COL4A1: variants seen among roughly 807,000 people sequenced by gnomAD.
COL4A1 encodes the protein collagen alpha-1(IV) chain.
Under a neutral mutation model 216.6 loss-of-function variants are expected in COL4A1, and 40 were observed. The observed-to-expected ratio is 0.18, with a 90% CI of 0.14 to 0.24. COL4A1 has a LOEUF of 0.24. Among genes scored for constraint, COL4A1 ranks in the 10% least tolerant of loss-of-function variants. The pLI is 1.00. For synonymous variants in COL4A1, 839 were observed against 810.7 expected, an observed-to-expected ratio of 1.03 and a Z score of -0.59; for missense variants, 1,628 against 2,196.8, an observed-to-expected ratio of 0.74 and a Z score of 5.18.
rs1566358834 is a variant in COL4A1 at position 110,186,569 on chromosome 13, G to A, written c.1729-16C>T. 1 of 1,613,750 alleles carries A rather than the reference G, an allele frequency of 6.2e-7. No individual in the cohort carries two copies. The highest frequency in any genetic ancestry group is 2.2e-5 in the East Asian group (1 of 44,870). ...CTACAGAACCCTGATGTGAGAAGAAGAAAAAGACACCGTTATCAGAGACAC... is the reference window on the plus strand; with the variant it reads ...CTACAGAACCCTGATGTGAGAAGAAAAAAAAGACACCGTTATCAGAGACAC... On this transcript the variant is annotated splice_polypyrimidine_tract_variant and intron_variant, in intron 25 of 51. Coordinates refer to ENST00000375820, the MANE Select transcript of COL4A1 (RefSeq NM_001845.6).
intron 41 of COL4A1, 146 bp from the exon 42 acceptor site, chr13:110,170,878 A>G (rs955924701): frequency 2.6e-5 from 21 of 813,402 alleles, no homozygotes; most frequent in Non-Finnish European, 3.7e-5. Flanking sequence ...AGGAAACTGC[A>G]GCAAGGGCTC....
intron 1 of COL4A1, among the ~76,000 whole-genome samples, chr13:110,282,258 T>C (rs1181689454): frequency 1.3e-5 from 2 of 152,188 alleles, no homozygotes; most frequent in Admixed American, 1.3e-4. Context: ...TTTTGTTTTC[T>C]CATCAATAAA....
intron 20 of COL4A1, among the ~76,000 whole-genome samples, chr13:110,199,712 AG>A (rs1271493386): frequency 1.3e-5 from 2 of 152,100 alleles, no homozygotes; most frequent in East Asian, 3.9e-4. Context: ...CGACTTTGGG[AG>A]GGGGACGTGG....
chr13:110,250,221 C>G lies in COL4A1; in HGVS notation c.85-7487G>C, dbSNP rs531693893. On this transcript the variant is annotated intron_variant, in intron 1 of 51. Transcript: ENST00000375820. Reference sequence around the variant, plus strand: ...TTCTTGGCAAAAAAAAAAAAAAGCACAAAAAATGTGAGAAACAGTGAATTT... The same window carrying G: ...TTCTTGGCAAAAAAAAAAAAAAGCAGAAAAAATGTGAGAAACAGTGAATTT... 4.8e-5 allele frequency among the ~76,000 whole-genome samples: 7 copies of G among 147,150 alleles called. No homozygotes were observed. The East Asian group carries it at 1.4e-3, about 29-fold the overall frequency.
At chr13:110,209,723 C>G (rs1348598741) in intron 10 of COL4A1, 8 of 728,228 alleles carry the variant, frequency 1.1e-5, no homozygotes, top group Non-Finnish European at 2.0e-5. Context: ...ACCCCGCCAG[C>G]CCCTTCAACC....
At chr13:110,161,021 T>C (rs1042623510) in intron 49 of COL4A1, 171 bp downstream of exon 49, 6 of 794,704 alleles carry the variant, frequency 7.5e-6, no homozygotes, top group African/African-American at 3.4e-5. Context: ...CTGACTTTTA[T>C]GTCAAATAAT....
intron 1 of COL4A1, among the ~76,000 whole-genome samples, chr13:110,281,247 C>T (rs1883623671): frequency 6.6e-6 from 1 of 152,164 alleles, no homozygotes; most frequent in Non-Finnish European, 1.5e-5. Flanking sequence ...AGACTAACCT[C>T]CCCCCGCCAT....
At chr13:110,224,288 T>C (rs1880637662) in intron 2 of COL4A1, among the ~76,000 whole-genome samples, 7 of 152,144 alleles carry the variant, frequency 4.6e-5, no homozygotes, top group Admixed American at 4.6e-4. Flanking sequence ...AAAATATCAA[T>C]AAGAGGTTAG....
intron 2 of COL4A1, among the ~76,000 whole-genome samples, chr13:110,240,018 T>C (rs899563215): frequency 2.0e-5 from 3 of 152,026 alleles, no homozygotes; most frequent in African/African-American, 7.2e-5. Context: ...ATGCTCAAGA[T>C]GAGAAAAAAA....
In COL4A1 at chr13:110,232,198, T is replaced by G. The variant is rs74913411; in HGVS notation, c.144+10477A>C. On this transcript the variant is annotated intron_variant, in intron 2 of 51. Coordinates refer to ENST00000375820, the MANE Select transcript of COL4A1 (RefSeq NM_001845.6). Reference sequence around the variant, plus strand: ...TGTGACGAACCAAAGCTAAGCTATATGAAGTATACTTTTACCATGTTTAAT... The same window carrying G: ...TGTGACGAACCAAAGCTAAGCTATAGGAAGTATACTTTTACCATGTTTAAT... 6.9e-3 allele frequency among the ~76,000 whole-genome samples: 1,049 copies of G among 152,352 alleles called. 11 individuals are homozygous for G. Among genetic ancestry groups the G allele is most frequent in the African/African-American group, 0.024 (982 of 41,574 alleles).
At chr13:110,238,744 C>T (rs1469107711) in intron 2 of COL4A1, among the ~76,000 whole-genome samples, 6 of 152,108 alleles carry the variant, frequency 3.9e-5, no homozygotes, top group Non-Finnish European at 8.8e-5. Context: ...AACGTGGGCT[C>T]CCAGGTTAGA....
intron 2 of COL4A1, among the ~76,000 whole-genome samples, chr13:110,218,817 C>T (rs928870282): frequency 1.3e-5 from 2 of 152,174 alleles, no homozygotes; most frequent in South Asian, 2.1e-4. Flanking sequence ...TCTAGCGCCT[C>T]GAGATTTCCA....
At chr13:110,217,974 C>T (rs972702962) in intron 2 of COL4A1, among the ~76,000 whole-genome samples, 2 of 152,302 alleles carry the variant, frequency 1.3e-5, no homozygotes, top group East Asian at 1.9e-4. Flanking sequence ...CCAATTATTT[C>T]CCTTCCTCTT....
Position 110,186,477 on chromosome 13 carries a change from G to A in COL4A1, c.1805C>T (p.Pro602Leu). 2.5e-6 allele frequency: 4 copies of A among 1,613,896 alleles called. No individual in the cohort carries two copies. Among genetic ancestry groups the A allele is most frequent in the Non-Finnish European group, 3.4e-6 (4 of 1,179,972 alleles). Residue 602 changes from proline (P) to leucine (L), a missense_variant, in exon 26 of 52, where the codon CCC (proline) becomes CTC (leucine). Pro to Leu is a moderately conservative substitution (Grantham distance 98). Around this residue, in one of 8 missense-constraint regions of COL4A1, gnomAD observed 701 missense variants for 892.5 expected, o/e 0.79. Coordinates refer to ENST00000375820, the MANE Select transcript of COL4A1 (RefSeq NM_001845.6). ...GFPGSRGDTGPPGPPGYGPAG... is the reference protein window; with the variant it reads ...GFPGSRGDTGLPGPPGYGPAG... The stretch of plus-strand genomic sequence containing the variant: ...AGGACCATATCCTGGAGGCCCAGGG[G>A]GGCCGGTGTCACCACGACTGCCTGG...
intron 1 of COL4A1, among the ~76,000 whole-genome samples, chr13:110,301,322 C>G (rs553617364): frequency 7.2e-5 from 11 of 152,310 alleles, no homozygotes; most frequent in Non-Finnish European, 1.6e-4. Flanking sequence ...TCCTCTGTGT[C>G]GGGCACTCTC....
chr13:110,255,401 G>A (rs915124841), intron 1 of COL4A1, among the ~76,000 whole-genome samples: 1 of 150,458 alleles, frequency 6.6e-6, no homozygotes, highest in Non-Finnish European at 1.5e-5. Flanking sequence ...CTAGAGCAGG[G>A]CAGCCGCAAG....
In COL4A1 at chr13:110,178,296, G is replaced by A. The variant is rs1877979541; in HGVS notation, c.2459-65C>T. The stretch of plus-strand genomic sequence containing the variant: ...TACAGAATGATCTACAATGTACAGT[G>A]CTCTGTTTAACTATGACTTTCTGCA... On this transcript the variant is annotated intron_variant, in intron 31 of 51. Transcript: ENST00000375820. The A allele has an allele frequency of 1.9e-6, 3 of 1,598,380 alleles. No individual in the cohort carries two copies. The African/African-American group carries it at 4.0e-5, about 21-fold the overall frequency.
chr13:110,167,356 G>T lies in COL4A1; in HGVS notation c.3877-126C>A, dbSNP rs1000285644. On this transcript the variant is annotated intron_variant, in intron 43 of 51. Coordinates refer to ENST00000375820, the MANE Select transcript of COL4A1 (RefSeq NM_001845.6). ...TGGAAAGCACATTTGTGAACAAATG[G>T]TGCCTTGTGGTTTCTTAAATGACAG... 12 of 780,646 alleles carry T rather than the reference G, an allele frequency of 1.5e-5. No homozygotes were observed. The African/African-American group carries it at 2.0e-4, about 13-fold the overall frequency. The allele number at this position is 780,646 out of a possible 1,614,324, so 48.4% of individuals were successfully genotyped here. A position where few individuals can be genotyped will look rare whatever the true frequency, so the allele number is the denominator to read the frequency against.
intron 37 of COL4A1, 52 bp downstream of exon 37, chr13:110,175,166 C>A: frequency 6.2e-7 from 1 of 1,606,710 alleles, no homozygotes; most frequent in South Asian, 1.1e-5. Flanking sequence ...TCTCAGGCAG[C>A]ATCTCCACTG....
Sources: gnomAD v4.1 joint callset for allele counts (sites outside exome capture counted in the v4.1 genomes callset) on GRCh38, gnomAD v4.1.1 for gene constraint, gnomAD v4.1.1 regional missense constraint, MANE v1.5 for transcripts, NCBI Gene and HGNC (gene_info 2026-07-23, HGNC 2026-07-21) for gene names.